NCOR2: variants seen among roughly 807,000 people sequenced by gnomAD.
NCOR2 encodes CTG repeat protein 26.
NCOR2 carries 81 observed loss-of-function variants against 262.9 expected under a neutral mutation model. The ratio of observed to expected loss-of-function variants is 0.31; its 90% CI spans 0.26 to 0.37. NCOR2 has a LOEUF of 0.37. NCOR2 is among the 10% of genes least tolerant of loss of function. NCOR2 has a pLI of 1.00. For synonymous variants in NCOR2, 1,659 were observed against 1,559.3 expected (o/e 1.06, Z -1.51); for missense variants, 3,385 against 3,621.4 (o/e 0.93, Z 1.68).
intron 17 of NCOR2, among the ~76,000 whole-genome samples, chr12:124,382,380 C>A (rs956659255): frequency 6.6e-6 from 1 of 152,156 alleles, no homozygotes; most frequent in Non-Finnish European, 1.5e-5. Context: ...CCTTCAAGGT[C>A]GGCCAGGAGC....
intron 1 of NCOR2, among the ~76,000 whole-genome samples, chr12:124,559,911 A>G (rs2052013871): frequency 6.6e-6 from 1 of 152,230 alleles, no homozygotes; most frequent in Non-Finnish European, 1.5e-5. Flanking sequence ...ATACCACTCT[A>G]AAGTCACCAA....
intron 8 of NCOR2, among the ~76,000 whole-genome samples, chr12:124,436,159 C>T (rs2044325992): frequency 6.6e-6 from 1 of 152,244 alleles, no homozygotes; most frequent in Non-Finnish European, 1.5e-5. Flanking sequence ...CCCAAAGGCA[C>T]TGGATCAGCT....
At chr12:124,339,982 CT>C in intron 37 of NCOR2, 23 bp downstream of exon 39, 1 of 1,609,884 alleles carries the variant, frequency 6.2e-7, no homozygotes, top group Non-Finnish European at 8.5e-7. Context: ...TGCCCGCCCC[CT>C]CCCCCATGCC....
At chr12:124,375,967 C>T (rs931829869) in intron 18 of NCOR2, among the ~76,000 whole-genome samples, 17 of 152,294 alleles carry the variant, frequency 1.1e-4, no homozygotes, top group African/African-American at 3.9e-4. Flanking sequence ...CCAGCACCTG[C>T]CTCACCTCCC....
At chr12:124,445,599 C>T (rs1286585549) in intron 7 of NCOR2, among the ~76,000 whole-genome samples, 10 of 152,112 alleles carry the variant, frequency 6.6e-5, no homozygotes. Context: ...GCAGCGGGGG[C>T]GAGGAGGCCG....
At chr12:124,534,529 G>A (rs1187104360) in intron 1 of NCOR2, among the ~76,000 whole-genome samples, 1 of 152,130 alleles carries the variant, frequency 6.6e-6, no homozygotes, top group Non-Finnish European at 1.5e-5. Context: ...TGACCAGAAT[G>A]TCGTTATGCA....
chr12:124,420,627 T>C (rs542861776), intron 12 of NCOR2, among the ~76,000 whole-genome samples: 24 of 152,354 alleles, frequency 1.6e-4, no homozygotes, highest in Non-Finnish European at 2.8e-4. Flanking sequence ...CTTTTCCATG[T>C]AGATTGGGTC....
At chr12:124,466,528 C>G (rs151062134) in intron 4 of NCOR2, among the ~76,000 whole-genome samples, 1 of 152,144 alleles carries the variant, frequency 6.6e-6, no homozygotes, top group Admixed American at 6.5e-5. Context: ...TCGTGACTTG[C>G]CAGCCAGGGA....
chr12:124,445,762 C>T (rs565026312), intron 7 of NCOR2, among the ~76,000 whole-genome samples: 1 of 152,368 alleles, frequency 6.6e-6, no homozygotes, highest in East Asian at 1.9e-4. Flanking sequence ...TCACTCCTAT[C>T]TCCTAGAGGC....
chr12:124,401,236 G>A (rs755497695), intron 14 of NCOR2, among the ~76,000 whole-genome samples: 11 of 151,860 alleles, frequency 7.2e-5, no homozygotes, highest in Non-Finnish European at 1.3e-4. Flanking sequence ...AAAAAGAAAG[G>A]ATGGGGGTGT....
chr12:124,332,547 A>C, intron 42 of NCOR2, 80 bp from the exon 45 acceptor site: 1 of 1,584,206 alleles, frequency 6.3e-7, no homozygotes, highest in Non-Finnish European at 8.7e-7. Context: ...TCACCACCTG[A>C]GATGCCTTAG....
rs778546006 is a variant in NCOR2 at position 124,362,141 on chromosome 12, G to C, written c.3085C>G (p.Pro1029Ala). The change falls in exon 22 of 47, where the codon CCC becomes GCC. Residue 1029 changes from proline to alanine, a missense_variant. Physicochemically the swap from Pro to Ala is conservative, Grantham distance 27. Around this residue, in one of 5 missense-constraint regions of NCOR2, gnomAD observed 1,615 missense variants for 1,626.9 expected, o/e 0.99. Coordinates refer to ENST00000405201, the Ensembl canonical transcript of NCOR2. The stretch of plus-strand genomic sequence containing the variant: ...GTGCACTCACCCTCCTTGTCGGCGG[G>C]GGGTGCCGGGCTCCTGCTCTTGCCC... The C allele has an allele frequency of 8.5e-6, 11 of 1,301,736 alleles. No individual in the cohort carries two copies. The highest frequency in any genetic ancestry group is 6.0e-5 in the African/African-American group (4 of 66,478). 80.6% of individuals were successfully genotyped at this position (1,301,736 alleles called of 1,614,324 possible).
chr12:124,334,022 A>ACG (rs2035633890), intron 41 of NCOR2, among the ~76,000 whole-genome samples: 1 of 151,792 alleles, frequency 6.6e-6, no homozygotes, highest in Non-Finnish European at 1.5e-5. Context: ...GTGGGTGTGC[A>ACG]TGTGTGGAAA....
rs1790525009 is a variant in NCOR2, at chr12:124,517,520, G to A, written c.-118+18045C>T. ...GAGCCAAGCGCCACCTCGGTGGGGAGCCGGGCGCCGGGGCCGGGCTGCAGC... is the reference window on the plus strand; with the variant it reads ...GAGCCAAGCGCCACCTCGGTGGGGAACCGGGCGCCGGGGCCGGGCTGCAGC... On this transcript the variant is annotated intron_variant, in intron 1 of 46. Transcript: ENST00000404621. The surrounding 1 kb of genome is among the most constrained non-coding windows in gnomAD (Gnocchi z 7.6). 6.6e-6 allele frequency among the ~76,000 whole-genome samples: 1 copy of A among 152,038 alleles called. No individual in the cohort carries two copies. The highest frequency in any genetic ancestry group is 6.5e-5 in the Admixed American group (1 of 15,276).
chr12:124,489,008 G>T (rs557140816), intron 1 of NCOR2, among the ~76,000 whole-genome samples: 1 of 151,872 alleles, frequency 6.6e-6, no homozygotes, highest in Non-Finnish European at 1.5e-5. Context: ...CTAAACCCTG[G>T]GAGACACTCG....
chr12:124,343,223 C>G, exon 33 of NCOR2: 1 of 1,607,758 alleles, frequency 6.2e-7, no homozygotes, highest in Non-Finnish European at 8.5e-7. Context: ...GGACGAAAGG[C>G]TGCCTGTGGA....
chr12:124,551,732 A>AAG (rs1480255327), intron 1 of NCOR2, among the ~76,000 whole-genome samples: 1 of 152,194 alleles, frequency 6.6e-6, no homozygotes, highest in Admixed American at 6.5e-5. Context: ...AGTTTCACTT[A>AAG]ATTGCAGGCT....
At chr12:124,328,056 G>A (rs1839797679) in intron 44 of NCOR2, among the ~76,000 whole-genome samples, 1 of 152,080 alleles carries the variant, frequency 6.6e-6, no homozygotes, top group African/African-American at 2.4e-5. Context: ...AATGGAGAGG[G>A]TGGGAGATGG....
Position 124,531,742 on chromosome 12 carries a change from T to G in NCOR2, c.-118+3823A>C, listed in dbSNP as rs1158345070. ...CTCCCAGAGCCCCCGAGAGGTGAGATCCCACCGGGCCAGGGCCCTAAAACC... is the reference window on the plus strand; with the variant it reads ...CTCCCAGAGCCCCCGAGAGGTGAGAGCCCACCGGGCCAGGGCCCTAAAACC... On this transcript the variant is annotated intron_variant, in intron 1 of 46. Coordinates refer to the NCOR2 transcript ENST00000404621. This position sits in a 1 kb window ranked among gnomAD's most constrained non-coding sequence, Gnocchi z 4.5. Among the ~76,000 whole-genome samples, 3 of 150,494 alleles carry G rather than the reference T, an allele frequency of 2.0e-5. No individual in the cohort carries two copies. Among genetic ancestry groups the G allele is most frequent in the African/African-American group, 7.4e-5 (3 of 40,666 alleles).
Sources: gnomAD v4.1 joint callset for allele counts (sites outside exome capture counted in the v4.1 genomes callset) on GRCh38, gnomAD v4.1.1 for gene constraint, gnomAD v4.1.1 regional missense constraint, Gnocchi (gnomAD v3.1) non-coding constraint, MANE v1.5 for transcripts, NCBI Gene and HGNC (gene_info 2026-07-23, HGNC 2026-07-21) for gene names.